CHD2: variants seen among roughly 807,000 people sequenced by gnomAD.
CHD2 encodes the protein chromodomain helicase DNA binding protein 2, also known as ATP-dependent chromatin remodeler CHD2.
CHD2 carries 28 observed loss-of-function variants against 243.9 expected under a neutral mutation model. That is an observed-to-expected ratio of 0.11 (90% CI 0.09 to 0.16). The LOEUF (loss-of-function observed/expected upper bound fraction) is 0.16. CHD2 is among the 10% of genes least tolerant of loss of function. CHD2 has a pLI of 1.00. For missense variants in CHD2, 1,386 were observed against 2,209.8 expected (o/e 0.63, Z 7.47); for synonymous variants, 775 against 779.0 (o/e 0.99, Z 0.09).
intron 4 of CHD2, among the ~76,000 whole-genome samples, chr15:92,927,857 A>C (rs1388071441): frequency 6.6e-6 from 1 of 152,184 alleles, no homozygotes; most frequent in Non-Finnish European, 1.5e-5. Context: ...TACTTACTCT[A>C]ATTGTGAGAG....
At chr15:92,946,382 T>A (rs1187428537) in intron 12 of CHD2, 166 bp downstream of exon 12, 2 of 474,228 alleles carry the variant, frequency 4.2e-6, no homozygotes, top group African/African-American at 3.9e-5. Context: ...GAGAATGAAT[T>A]ATTTCATGGC....
chr15:92,927,142 T>G, intron 3 of CHD2, 102 bp from the exon 4 acceptor site: 1 of 858,314 alleles, frequency 1.2e-6, no homozygotes. Context: ...AACAACCCTT[T>G]TGATACTTGG....
rs745812477 is a variant in CHD2 at position 92,924,399 on chromosome 15, T to C, written c.141T>C (p.Ser47=). ...SESEQGSDPG[S]GHGSESNSSS... ...GTGAGCAGGGAAGTGATCCAGGAAGTGGACATGGCAGCGAGTCGAACAGCA... is the reference window on the plus strand; with the variant it reads ...GTGAGCAGGGAAGTGATCCAGGAAGCGGACATGGCAGCGAGTCGAACAGCA... The change falls in exon 3 of 39, where the codon AGT becomes AGC. Residue 47 remains serine, a synonymous_variant. Transcript: ENST00000394196. The C allele has an allele frequency of 1.9e-6, 3 of 1,614,110 alleles. No homozygotes were observed. The highest frequency in any genetic ancestry group is 1.7e-6 in the Non-Finnish European group (2 of 1,180,002).
chr15:92,989,326 C>G (rs565866858), intron 26 of CHD2, among the ~76,000 whole-genome samples: 2 of 152,282 alleles, frequency 1.3e-5, no homozygotes, highest in South Asian at 4.1e-4. Flanking sequence ...GCCACCATGC[C>G]CAGCTTACTT....
intron 2 of CHD2, among the ~76,000 whole-genome samples, chr15:92,909,819 C>T (rs1465567857): frequency 6.6e-6 from 1 of 151,968 alleles, no homozygotes. Flanking sequence ...ACCTGGCCTT[C>T]ACTTTGGATT....
At chr15:92,952,979 G>A (rs1488895717) in intron 13 of CHD2, among the ~76,000 whole-genome samples, 1 of 152,326 alleles carries the variant, frequency 6.6e-6, no homozygotes, top group East Asian at 1.9e-4. Context: ...ATTCACCAGC[G>A]GTGCTGATAG....
chr15:92,961,667 T>C (rs2053689529), intron 16 of CHD2, among the ~76,000 whole-genome samples: 2 of 152,204 alleles, frequency 1.3e-5, no homozygotes, highest in East Asian at 3.9e-4. Context: ...CCGCCTCTGT[T>C]TCCTAAAATG....
chr15:92,956,662 C>T lies in CHD2; in HGVS notation c.2000+13C>T. 4 of 1,595,092 alleles carry T rather than the reference C, an allele frequency of 2.5e-6. No individual in the cohort carries two copies. Among genetic ancestry groups the T allele is most frequent in the Middle Eastern group, 1.7e-4 (1 of 5,954 alleles). On this transcript the variant is annotated intron_variant, in intron 16 of 38. Transcript: ENST00000394196. Reference sequence around the variant, plus strand: ...TTATGCCGGAGAAGTAAGCTCCTTCCTGTGTATTTCAAAAGATGCTAGAAT... The same window carrying T: ...TTATGCCGGAGAAGTAAGCTCCTTCTTGTGTATTTCAAAAGATGCTAGAAT...
chr15:92,904,572 C>G (rs1336328243), intron 2 of CHD2: 1 of 1,020,036 alleles, frequency 9.8e-7, no homozygotes, highest in African/African-American at 1.7e-5. Context: ...CAGTCTTGTC[C>G]GCCCTTGCCT....
At chr15:92,953,602 A>T in intron 14 of CHD2, 29 bp downstream of exon 14, 1 of 1,589,756 alleles carries the variant, frequency 6.3e-7, no homozygotes, top group Non-Finnish European at 8.6e-7. Context: ...CTGGGTTAGA[A>T]TCTGTGTTAT....
In CHD2 at chr15:93,009,203, A is replaced by C; in HGVS notation, c.4472A>C (p.Lys1491Thr). The C allele has an allele frequency of 6.2e-7, 1 of 1,614,214 alleles. No homozygotes were observed. Among genetic ancestry groups the C allele is most frequent in the Non-Finnish European group, 8.5e-7 (1 of 1,180,026 alleles). The change falls in exon 35 of 39, where the codon AAG (lysine) becomes ACG (threonine). Residue 1491 changes from lysine (K) to threonine (T), a missense_variant. Transcript: ENST00000394196. ...KALKQLDKPD[K>T]GLNVQEQLEH... is the part of the protein sequence containing the mutation. ...CTGAAACAGCTCGACAAACCTGACAAGGGGCTCAACGTGCAAGAACAGCTG... is the reference window on the plus strand; with the variant it reads ...CTGAAACAGCTCGACAAACCTGACACGGGGCTCAACGTGCAAGAACAGCTG...
rs538024778 is a variant in CHD2, at chr15:93,013,004, T to G, written c.4692+560T>G. On this transcript the variant is annotated intron_variant, in intron 36 of 38. Transcript: ENST00000394196. ...CATGGGCTGTACCCAAGTTGGACAT[T>G]GAGTTCAATCTGTGAGCATTAAATA... Among the ~76,000 whole-genome samples the G allele has an allele frequency of 2.6e-5, 4 of 152,330 alleles. No homozygotes were observed. In the East Asian group the frequency reaches 7.7e-4, roughly 29 times the overall value.
intron 20 of CHD2, among the ~76,000 whole-genome samples, chr15:92,976,823 C>A (rs1198012799): frequency 6.6e-6 from 1 of 151,112 alleles, no homozygotes. Context: ...CCCTTGAGAC[C>A]AGGAGTTTGA....
intron 16 of CHD2, 112 bp downstream of exon 16, chr15:92,956,761 A>G: frequency 6.0e-6 from 6 of 1,007,324 alleles, no homozygotes; most frequent in Non-Finnish European, 8.6e-6. Context: ...TGGGGAAAGC[A>G]AAGCGTCAAA....
chr15:93,004,123 CAA>C (rs982331625), intron 33 of CHD2, among the ~76,000 whole-genome samples: 9 of 73,496 alleles, frequency 1.2e-4, no homozygotes, highest in Admixed American at 1.5e-4. Flanking sequence ...GAATCTGTCT[CAA>C]AAAAAAAAAA....
At chr15:92,957,499 C>G (rs1301030318) in intron 16 of CHD2, among the ~76,000 whole-genome samples, 2 of 152,148 alleles carry the variant, frequency 1.3e-5, no homozygotes, top group South Asian at 2.1e-4. Flanking sequence ...CATTTATGTT[C>G]TCATTCATCT....
intron 26 of CHD2, among the ~76,000 whole-genome samples, chr15:92,988,895 CTTTT>C (rs534727848): frequency 2.0e-4 from 31 of 151,900 alleles, no homozygotes; most frequent in Non-Finnish European, 3.4e-4. Context: ...TCTAGGCAGA[CTTTT>C]TTTAACTCTT....
chr15:92,901,520 A>G (rs2141697476), intron 2 of CHD2: 1 of 576,264 alleles, frequency 1.7e-6, no homozygotes, highest in Non-Finnish European at 3.1e-6. Flanking sequence ...GGCCTCTTAC[A>G]GCAGTCAAAA....
At chr15:92,967,260 A>T (rs933396201) in intron 16 of CHD2, 65 bp from the exon 17 acceptor site, 2 of 1,158,550 alleles carry the variant, frequency 1.7e-6, no homozygotes, top group Non-Finnish European at 2.4e-6. Flanking sequence ...ATTTTTTTAC[A>T]GTTTTTTTTC....
Sources: allele counts gnomAD v4.1 joint callset (sites outside exome capture counted in the v4.1 genomes callset), GRCh38; gene constraint gnomAD v4.1.1; transcripts MANE v1.5; gene names NCBI Gene and HGNC (gene_info 2026-07-23, HGNC 2026-07-21).